Variants in DLC1 observed in about 807,000 individuals in gnomAD.
DLC1 encodes the protein rho GTPase-activating protein 7.
In DLC1, 54 loss-of-function variants were observed where a neutral mutation model predicts 140.3. The observed-to-expected ratio is 0.38, with a 90% CI of 0.31 to 0.48. The LOEUF (loss-of-function observed/expected upper bound fraction) is 0.48, where lower values mean the gene tolerates loss of function less well. Among genes scored for constraint, DLC1 ranks in the 20% least tolerant of loss-of-function variants. The probability of loss-of-function intolerance (pLI) is 0.96; values close to 1 mark genes in which losing one functional copy is unlikely to be tolerated. For missense variants in DLC1, 2,536 were observed against 1,907.0 expected (o/e 1.33, Z -6.14); for synonymous variants, 986 against 728.1 (o/e 1.35, Z -5.70).
intron 1 of DLC1, chr8:13,567,254 T>A: frequency 6.4e-7 from 1 of 1,551,490 alleles, no homozygotes; most frequent in Non-Finnish European, 8.7e-7. Context: ...AAAAAATGGA[T>A]CAACTACCTC....
At chr8:13,390,092 G>A (rs1247411406) in intron 4 of DLC1, among the ~76,000 whole-genome samples, 6 of 152,060 alleles carry the variant, frequency 3.9e-5, no homozygotes, top group African/African-American at 1.4e-4. Flanking sequence ...ATCTCTCATA[G>A]ACAAAATTCT....
At chr8:13,365,745 C>T (rs995228568) in intron 4 of DLC1, among the ~76,000 whole-genome samples, 1 of 152,028 alleles carries the variant, frequency 6.6e-6, no homozygotes, top group African/African-American at 2.4e-5. Context: ...TGAGGCATGT[C>T]TCACCGAGGA....
intron 5 of DLC1, among the ~76,000 whole-genome samples, chr8:13,212,617 T>A (rs13261640): frequency 2.0e-5 from 3 of 152,014 alleles, no homozygotes; most frequent in Non-Finnish European, 2.9e-5. Flanking sequence ...TGTGAGAAAA[T>A]AGAAGGAAAA....
chr8:13,511,346 C>T (rs888877261), intron 1 of DLC1, among the ~76,000 whole-genome samples: 30 of 151,700 alleles, frequency 2.0e-4, no homozygotes, highest in African/African-American at 7.3e-4. Context: ...ATTTGAGTCA[C>T]TGTTTAATCT....
chr8:13,265,823 T>C (rs533488850), intron 5 of DLC1, among the ~76,000 whole-genome samples: 2 of 152,170 alleles, frequency 1.3e-5, no homozygotes, highest in South Asian at 4.2e-4. Flanking sequence ...TTCCAGTTTA[T>C]TAACACTTGG....
chr8:13,396,070 T>C (rs1837029161), intron 3 of DLC1, among the ~76,000 whole-genome samples: 2 of 149,090 alleles, frequency 1.3e-5, no homozygotes. Flanking sequence ...TTCTTTTTTT[T>C]TTTTTTTGAG....
At chr8:13,399,446 G>C (rs1041358625) in intron 3 of DLC1, among the ~76,000 whole-genome samples, 5 of 152,124 alleles carry the variant, frequency 3.3e-5, no homozygotes, top group African/African-American at 4.8e-5. Context: ...CTCTCTCTCT[G>C]AAGCTCACAT....
chr8:13,159,487 C>T (rs1033578238), intron 5 of DLC1, among the ~76,000 whole-genome samples: 2 of 152,168 alleles, frequency 1.3e-5, no homozygotes, highest in African/African-American at 4.8e-5. Flanking sequence ...GCTCTCCGGG[C>T]TCTGTGCCCT....
At position 13,440,160 on chromosome 8, in the gene DLC1, C is replaced by T. The variant is rs115414472; in HGVS notation, c.1024-38541G>A. Among the ~76,000 whole-genome samples, 533 of 152,218 alleles carry T rather than the reference C, an allele frequency of 3.5e-3. 3 individuals are homozygous for T. Among genetic ancestry groups the T allele is most frequent in the African/African-American group, 0.012 (515 of 41,554 alleles). On this transcript the variant is annotated intron_variant, in intron 2 of 17. Coordinates refer to ENST00000276297, the MANE Select transcript of DLC1 (RefSeq NM_182643.3). ...GAATTTTCGATAAGGAGATAGAGTA[C>T]GCATAGGTTTCTCATTTCGATCATA... is the stretch of plus-strand genomic sequence containing the variant.
Position 13,499,751 on chromosome 8 carries a change from T to A in DLC1, c.321A>T (p.Leu107=), listed in dbSNP as rs756251571. 1.2e-6 allele frequency: 2 copies of A among 1,614,078 alleles called. No homozygotes were observed. Among genetic ancestry groups the A allele is most frequent in the Admixed American group, 3.3e-5 (2 of 60,018 alleles). ...FLSLEASTET[L]VHVSDEDNNA... is the part of the protein sequence containing the mutation. ...TGTTATCCTCATCAGAAACATGCAC[T>A]AGTGTTTCTGTGCTGGCTTCCAGAG... Residue 107 remains leucine (L), a synonymous_variant, in exon 2 of 18, where the codon CTA becomes CTT. Transcript: ENST00000276297.
intron 4 of DLC1, among the ~76,000 whole-genome samples, chr8:13,354,096 A>G (rs1234024808): frequency 6.6e-6 from 1 of 151,250 alleles, no homozygotes; most frequent in Non-Finnish European, 1.5e-5. Flanking sequence ...AGACCTTCAA[A>G]CCTAGTGTTT....
At chr8:13,318,783 A>G (rs183880681) in intron 4 of DLC1, among the ~76,000 whole-genome samples, 8 of 152,318 alleles carry the variant, frequency 5.3e-5, no homozygotes, top group Admixed American at 1.3e-4. Flanking sequence ...CCCTTTCTAC[A>G]TGTCAGTCCT....
chr8:13,258,516 A>T (rs1830345507), intron 5 of DLC1, among the ~76,000 whole-genome samples: 3 of 152,200 alleles, frequency 2.0e-5, no homozygotes, highest in Admixed American at 2.0e-4. Flanking sequence ...AACACAATGG[A>T]CTTTGGATTG....
At chr8:13,492,085 T>C (rs1171686094) in intron 2 of DLC1, among the ~76,000 whole-genome samples, 1 of 152,074 alleles carries the variant, frequency 6.6e-6, no homozygotes, top group African/African-American at 2.4e-5. Context: ...CTTCTGTGGG[T>C]ATAGAGAGAA....
chr8:13,108,516 T>C (rs530009980), intron 7 of DLC1, among the ~76,000 whole-genome samples: 2 of 152,332 alleles, frequency 1.3e-5, no homozygotes, highest in Non-Finnish European at 2.9e-5. Flanking sequence ...CAGTGTAAAT[T>C]GCAAAGTACA....
intron 5 of DLC1, among the ~76,000 whole-genome samples, chr8:13,141,138 C>T (rs932867512): frequency 3.3e-5 from 5 of 151,734 alleles, no homozygotes; most frequent in African/African-American, 9.7e-5. Context: ...GCCTGTAATT[C>T]CAGCTACTCG....
chr8:13,366,467 T>C, intron 4 of DLC1, among the ~76,000 whole-genome samples: 1 of 152,174 alleles, frequency 6.6e-6, no homozygotes, highest in East Asian at 1.9e-4. Context: ...GTTAACACTA[T>C]GAGTGATATT....
At chr8:13,559,238 T>C (rs1360088823) in intron 1 of DLC1, 1 of 152,244 alleles carries the variant, frequency 6.6e-6, no homozygotes, top group Non-Finnish European at 1.5e-5. Context: ...AGCAAAAGCA[T>C]GGGCGCAAAG....
chr8:13,557,021 T>TATGC (rs1461921396), intron 1 of DLC1, among the ~76,000 whole-genome samples: 1 of 152,148 alleles, frequency 6.6e-6, no homozygotes, highest in Non-Finnish European at 1.5e-5. Flanking sequence ...GTAATTGTCA[T>TATGC]ATGCATATTC....
Sources: gnomAD v4.1 joint callset for allele counts (sites outside exome capture counted in the v4.1 genomes callset) on GRCh38, gnomAD v4.1.1 for gene constraint, MANE v1.5 for transcripts, NCBI Gene and HGNC (gene_info 2026-07-23, HGNC 2026-07-21) for gene names.